Variants in RELL1 observed in about 807,000 individuals in gnomAD.
RELL1 encodes the protein RELT-like protein 1.
Under a neutral mutation model 23.0 loss-of-function variants are expected in RELL1, and 10 were observed. The ratio of observed to expected loss-of-function variants is 0.43; its 90% CI spans 0.27 to 0.74. The LOEUF is 0.74. Among genes scored for constraint, RELL1 ranks in the 30% least tolerant of loss-of-function variants. RELL1 has a pLI of 0.19. For synonymous variants in RELL1, 146 were observed against 146.8 expected (o/e 0.99, Z 0.04); for missense variants, 315 against 364.4 (o/e 0.86, Z 1.10).
chr4:37,675,892 C>T (rs149930639), intron 1 of RELL1, among the ~76,000 whole-genome samples: 95 of 152,326 alleles, frequency 6.2e-4, no homozygotes, highest in African/African-American at 2.0e-3. Context: ...CCTATGGACT[C>T]AGCACTCTCA....
intron 6 of RELL1, among the ~76,000 whole-genome samples, chr4:37,624,140 C>T (rs1021095827): frequency 4.6e-5 from 7 of 152,062 alleles, no homozygotes; most frequent in Non-Finnish European, 8.8e-5. Flanking sequence ...AACATGAAGG[C>T]GGCCGAAGGT....
chr4:37,629,951 G>A (rs1039895773), intron 6 of RELL1, among the ~76,000 whole-genome samples: 1 of 152,098 alleles, frequency 6.6e-6, no homozygotes, highest in African/African-American at 2.4e-5. Flanking sequence ...TCTCACTCCC[G>A]CCCCTGAGGC....
intron 6 of RELL1, among the ~76,000 whole-genome samples, chr4:37,600,422 A>T (rs1718985748): frequency 6.6e-6 from 1 of 152,144 alleles, no homozygotes; most frequent in African/African-American, 2.4e-5. Flanking sequence ...AATAATACTA[A>T]TTTCTAAACT....
At chr4:37,673,433 C>T (rs2109311227) in intron 1 of RELL1, among the ~76,000 whole-genome samples, 1 of 152,162 alleles carries the variant, frequency 6.6e-6, no homozygotes, top group South Asian at 2.1e-4. Flanking sequence ...CTCAAGCGAT[C>T]CTCCTGCCTC....
At chr4:37,676,670 A>G (rs1487729923) in intron 1 of RELL1, among the ~76,000 whole-genome samples, 1 of 152,194 alleles carries the variant, frequency 6.6e-6, no homozygotes, top group African/African-American at 2.4e-5. Flanking sequence ...AATTTGGCCC[A>G]CAGAGGCTGG....
intron 6 of RELL1, among the ~76,000 whole-genome samples, chr4:37,620,045 G>T (rs981271566): frequency 6.6e-6 from 1 of 152,140 alleles, no homozygotes. Flanking sequence ...TGAGAAGGGG[G>T]CTTAATAACT....
At chr4:37,685,553 T>G (rs1312633970) in intron 1 of RELL1, among the ~76,000 whole-genome samples, 1 of 152,148 alleles carries the variant, frequency 6.6e-6, no homozygotes, top group African/African-American at 2.4e-5. Flanking sequence ...CACACAAGGT[T>G]CCTTTCGTGA....
rs1396200732 is a variant in RELL1, at chr4:37,611,563, T to TA, written c.*1782dup. Among the ~76,000 whole-genome samples, 1 of 152,140 alleles carries TA rather than the reference T, an allele frequency of 6.6e-6. No homozygotes were observed. The highest frequency in any genetic ancestry group is 3.2e-3 in the Middle Eastern group (1 of 316). On this transcript the variant is annotated 3_prime_UTR_variant, in exon 7 of 7. Transcript: ENST00000454158. ...CAAATGAAAGATGTGCATTTTCCTA[T>TA]ATGAAATAAAAGAAGTGCTCAAGGC...
At chr4:37,663,993 A>G (rs950998724) in intron 1 of RELL1, among the ~76,000 whole-genome samples, 1 of 152,188 alleles carries the variant, frequency 6.6e-6, no homozygotes, top group South Asian at 2.1e-4. Flanking sequence ...AAAAGACTGA[A>G]GTCAGCTGTA....
chr4:37,629,083 C>G (rs531303787), intron 6 of RELL1, among the ~76,000 whole-genome samples: 2 of 152,334 alleles, frequency 1.3e-5, no homozygotes, highest in South Asian at 4.1e-4. Context: ...AGAGGTGAGT[C>G]TGACAAGAGG....
At chr4:37,608,620 G>A (rs560679546), downstream of RELL1, among the ~76,000 whole-genome samples, 7 of 151,302 alleles carry the variant, frequency 4.6e-5, no homozygotes, top group Admixed American at 2.0e-4. Flanking sequence ...GCCAGCAGAC[G>A]TTGGTTCATA....
intron 4 of RELL1, among the ~76,000 whole-genome samples, chr4:37,636,998 G>A (rs1040154051): frequency 6.6e-6 from 1 of 152,204 alleles, no homozygotes; most frequent in Non-Finnish European, 1.5e-5. Context: ...CCTTCCTGGA[G>A]TAAAATAATG....
chr4:37,662,869 C>G lies in RELL1; in HGVS notation c.89-13369G>C, dbSNP rs1339893958. 5.9e-5 allele frequency among the ~76,000 whole-genome samples: 9 copies of G among 152,158 alleles called. No individual in the cohort carries two copies. The East Asian group carries it at 7.7e-4, about 13-fold the overall frequency. On this transcript the variant is annotated intron_variant, in intron 1 of 6. Coordinates refer to ENST00000454158, the MANE Select transcript of RELL1 (RefSeq NM_001085400.2). ...CTTGAGAGGCCAAGGACCTCAACTT[C>G]TGGACTCTTCCAGAGTATCTCAAAC...
chr4:37,677,933 T>C (rs2109315076), intron 1 of RELL1, among the ~76,000 whole-genome samples: 1 of 152,210 alleles, frequency 6.6e-6, no homozygotes, highest in South Asian at 2.1e-4. Context: ...GATCACACCA[T>C]TGCACTCCAG....
At chr4:37,607,859 A>T (rs924392707), downstream of RELL1, among the ~76,000 whole-genome samples, 2 of 152,124 alleles carry the variant, frequency 1.3e-5, no homozygotes, top group African/African-American at 4.8e-5. Flanking sequence ...AAGTGCAGGG[A>T]TTACAGGCGT....
intron 4 of RELL1, among the ~76,000 whole-genome samples, chr4:37,637,266 T>C (rs1015290221): frequency 2.0e-5 from 3 of 152,208 alleles, no homozygotes; most frequent in Non-Finnish European, 2.9e-5. Flanking sequence ...CTCCTTGCAT[T>C]CTGAGTTACC....
chr4:37,656,298 T>C (rs1721114335), intron 1 of RELL1, among the ~76,000 whole-genome samples: 1 of 152,152 alleles, frequency 6.6e-6, no homozygotes, highest in South Asian at 2.1e-4. Flanking sequence ...GTATCTAAAA[T>C]AGTCAAACTC....
intron 6 of RELL1, among the ~76,000 whole-genome samples, chr4:37,628,883 T>A (rs1045482062): frequency 6.6e-6 from 1 of 152,220 alleles, no homozygotes; most frequent in African/African-American, 2.4e-5. Context: ...TATCTCATTG[T>A]AAATCAGTTA....
chr4:37,659,031 G>T (rs1721226117), intron 1 of RELL1, among the ~76,000 whole-genome samples: 1 of 152,170 alleles, frequency 6.6e-6, no homozygotes, highest in Admixed American at 6.5e-5. Flanking sequence ...CTACAGCCTT[G>T]CTGGCTCTTC....
Sources: allele counts gnomAD v4.1 joint callset (sites outside exome capture counted in the v4.1 genomes callset), GRCh38; gene constraint gnomAD v4.1.1; transcripts MANE v1.5; gene names NCBI Gene and HGNC (gene_info 2026-07-23, HGNC 2026-07-21).